Variants in RAPH1 observed in about 807,000 individuals in gnomAD.
The protein encoded by RAPH1 is ras-associated and pleckstrin homology domains-containing protein 1.
In RAPH1, 18 loss-of-function variants were observed where a neutral mutation model predicts 88.1. The ratio of observed to expected loss-of-function variants is 0.20; its 90% CI spans 0.14 to 0.30. RAPH1 has a LOEUF of 0.30. Among genes scored for constraint, RAPH1 ranks in the 10% least tolerant of loss-of-function variants. The pLI is 1.00. For synonymous variants in RAPH1, 587 were observed against 559.0 expected (o/e 1.05, Z -0.71); for missense variants, 1,448 against 1,543.2 (o/e 0.94, Z 1.03).
intron 4 of RAPH1, among the ~76,000 whole-genome samples, chr2:203,487,378 G>GC (rs1559480077): frequency 6.7e-6 from 1 of 148,876 alleles, no homozygotes; most frequent in East Asian, 2.0e-4. Flanking sequence ...ATAGAAATCA[G>GC]TTTTTTTTTT....
chr2:203,441,821 A>G (rs998739929), intron 13 of RAPH1: 2 of 1,304,716 alleles, frequency 1.5e-6, no homozygotes, highest in Non-Finnish European at 1.9e-6. Flanking sequence ...GCTCCAGTTT[A>G]CCTTTCAGTC....
chr2:203,458,024 C>T (rs1380963261), intron 7 of RAPH1, among the ~76,000 whole-genome samples: 1 of 151,980 alleles, frequency 6.6e-6, no homozygotes, highest in African/African-American at 2.4e-5. Context: ...AGAAGAAATC[C>T]CATATTCTCT....
intron 1 of RAPH1, among the ~76,000 whole-genome samples, chr2:203,501,539 G>C (rs923725948): frequency 6.6e-6 from 1 of 152,120 alleles, no homozygotes; most frequent in Non-Finnish European, 1.5e-5. Context: ...AGGCCAAGGC[G>C]GGCAGACTGC....
chr2:203,469,951 T>C (rs112624915), intron 4 of RAPH1, among the ~76,000 whole-genome samples: 72 of 152,332 alleles, frequency 4.7e-4, no homozygotes, highest in African/African-American at 1.7e-3. Flanking sequence ...TTTTAGACTT[T>C]AAAATGCAAC....
chr2:203,437,732 C>T lies in RAPH1; in HGVS notation c.*1705G>A, dbSNP rs2153631996. 1 of 183,688 alleles carries T rather than the reference C, an allele frequency of 5.4e-6. No individual in the cohort carries two copies. The highest frequency in any genetic ancestry group is 2.4e-5 in the African/African-American group (1 of 41,930). 11.4% of individuals were successfully genotyped at this position (183,688 alleles called of 1,614,324 possible). ...TTGAGTATACTGTACTAATTAAGCACTTTTGCTCATTCTAGAATTATTTAC... is the reference window on the plus strand; with the variant it reads ...TTGAGTATACTGTACTAATTAAGCATTTTTGCTCATTCTAGAATTATTTAC... On this transcript the variant is annotated 3_prime_UTR_variant, in exon 14 of 14. Transcript: ENST00000319170.
At chr2:203,451,146 G>T (rs1175029200) in intron 10 of RAPH1, among the ~76,000 whole-genome samples, 2 of 151,902 alleles carry the variant, frequency 1.3e-5, no homozygotes, top group Non-Finnish European at 2.9e-5. Flanking sequence ...GGTCATCCAG[G>T]CTCTGTACAA....
At chr2:203,523,424 G>C (rs941188775) in intron 1 of RAPH1, among the ~76,000 whole-genome samples, 4 of 150,706 alleles carry the variant, frequency 2.7e-5, no homozygotes, top group Non-Finnish European at 4.4e-5. Flanking sequence ...CAGAACTGAG[G>C]TAGGCAATGA....
intron 3 of RAPH1, among the ~76,000 whole-genome samples, 176 bp from the exon 4 acceptor site, chr2:203,490,265 C>T (rs1243066460): frequency 5.3e-5 from 8 of 152,172 alleles, no homozygotes; most frequent in Non-Finnish European, 1.0e-4. Flanking sequence ...ACACAGTCCT[C>T]CTCTTTTAAG....
chr2:203,516,577 C>T (rs796422116), intron 1 of RAPH1, among the ~76,000 whole-genome samples: 21 of 152,132 alleles, frequency 1.4e-4, no homozygotes, highest in African/African-American at 5.1e-4. Flanking sequence ...GGTGAAACCC[C>T]GTCTCTACTG....
rs146028938 is a variant in RAPH1 at position 203,489,082 on chromosome 2, C to T, written c.732+502G>A. Among the ~76,000 whole-genome samples, 18 of 149,870 alleles carry T rather than the reference C, an allele frequency of 1.2e-4. No homozygotes were observed. In the East Asian group the frequency reaches 3.0e-3, roughly 25 times the overall value. On this transcript the variant is annotated intron_variant, in intron 4 of 13. Transcript: ENST00000319170. Reference sequence around the variant, plus strand: ...TGGAGGTTGCAGCGAGCTGAGATCACGCCACTGCACTCCAGCCTGGGCATG... The same window carrying T: ...TGGAGGTTGCAGCGAGCTGAGATCATGCCACTGCACTCCAGCCTGGGCATG...
chr2:203,439,621 C>T lies in RAPH1; in HGVS notation c.3569G>A (p.Arg1190Lys). ...RHGSLSSRMS[R>K]AEPTATMDDM... ...ATCCATGGTGGCTGTTGGTTCTGCT[C>T]TGGACATGCGGGAGGAGAGTGAGCC... The change falls in exon 14 of 14, where the codon AGA becomes AAA. Residue 1190 changes from arginine (R) to lysine (K), a missense_variant. Physicochemically the swap from Arg to Lys is conservative, Grantham distance 26 (BLOSUM62 2). Around this residue, in one of 2 missense-constraint regions of RAPH1, gnomAD observed 935 missense variants for 890.1 expected, o/e 1.05. Coordinates refer to ENST00000319170, the MANE Select transcript of RAPH1 (RefSeq NM_213589.3). The T allele has an allele frequency of 1.2e-6, 2 of 1,614,128 alleles. No homozygotes were observed. The highest frequency in any genetic ancestry group is 1.7e-6 in the Non-Finnish European group (2 of 1,180,034).
intron 4 of RAPH1, among the ~76,000 whole-genome samples, chr2:203,477,580 G>A (rs1201777408): frequency 6.6e-6 from 1 of 151,998 alleles, no homozygotes; most frequent in African/African-American, 2.4e-5. Flanking sequence ...CTCTTCATAT[G>A]ACTGCACTTC....
intron 1 of RAPH1, among the ~76,000 whole-genome samples, chr2:203,502,891 C>T (rs1688799469): frequency 7.1e-6 from 1 of 139,996 alleles, no homozygotes; most frequent in Admixed American, 7.3e-5. Context: ...CACCTGTAAT[C>T]CCAGCACTTT....
At chr2:203,514,702 C>G (rs1689519127) in intron 1 of RAPH1, among the ~76,000 whole-genome samples, 1 of 152,002 alleles carries the variant, frequency 6.6e-6, no homozygotes, top group Non-Finnish European at 1.5e-5. Context: ...TTACAGGCGC[C>G]CACCACCACG....
intron 13 of RAPH1, chr2:203,441,861 A>AT (rs2098504553): frequency 7.4e-7 from 1 of 1,344,528 alleles, no homozygotes; most frequent in African/African-American, 1.5e-5. Flanking sequence ...AGCAGATGCT[A>AT]TAACTGGGTT....
At chr2:203,470,339 CA>C (rs752244676) in intron 4 of RAPH1, 9 of 1,495,974 alleles carry the variant, frequency 6.0e-6, no homozygotes, top group South Asian at 4.8e-5. Flanking sequence ...GAAAAACAAA[CA>C]AAAAAAGGCA....
chr2:203,439,168 C>A lies in RAPH1; in HGVS notation c.*269G>T, dbSNP rs1459939659. Reference sequence around the variant, plus strand: ...CTCTTCCACCCAAAATACAGAACACCCATTTTCAGATTAGGAGAGAAAAGG... The same window carrying A: ...CTCTTCCACCCAAAATACAGAACACACATTTTCAGATTAGGAGAGAAAAGG... On this transcript the variant is annotated 3_prime_UTR_variant, in exon 14 of 14. Transcript: ENST00000319170. 5.6e-6 allele frequency: 2 copies of A among 354,446 alleles called. No homozygotes were observed. The highest frequency in any genetic ancestry group is 1.0e-5 in the Non-Finnish European group (2 of 193,488). 22.0% of individuals were successfully genotyped at this position (354,446 alleles called of 1,614,324 possible). A position where few individuals can be genotyped will look rare whatever the true frequency, so the allele number is the denominator to read the frequency against.
chr2:203,439,926 C>G lies in RAPH1; in HGVS notation c.3264G>C (p.Glu1088Asp). 6.2e-7 allele frequency: 1 copy of G among 1,613,840 alleles called. No homozygotes were observed. The highest frequency in any genetic ancestry group is 8.5e-7 in the Non-Finnish European group (1 of 1,179,996). ...TGTTTCCCGAGAAAACTGCTGGAATCTCAATGGGGGGCAGAGGAAGCTCTG... is the reference window on the plus strand; with the variant it reads ...TGTTTCCCGAGAAAACTGCTGGAATGTCAATGGGGGGCAGAGGAAGCTCTG... ...PETELPLPPI[E>D]IPAVFSGNTS... The change falls in exon 14 of 14, where the codon GAG becomes GAC. Residue 1088 changes from glutamate (E) to aspartate (D), a missense_variant. Around this residue, in one of 2 missense-constraint regions of RAPH1, gnomAD observed 935 missense variants for 890.1 expected, o/e 1.05. Transcript: ENST00000319170.
chr2:203,529,005 A>ATTTTTTTTTT (rs66832810), intron 1 of RAPH1, among the ~76,000 whole-genome samples: 2 of 41,154 alleles, frequency 4.9e-5, no homozygotes, highest in Admixed American at 4.1e-4. Flanking sequence ...ATATATATAT[A>ATTTTTTTTTT]TTTTTTTTTT....
Sources: allele counts gnomAD v4.1 joint callset (sites outside exome capture counted in the v4.1 genomes callset), GRCh38; gene constraint gnomAD v4.1.1; regional missense constraint gnomAD v4.1.1; transcripts MANE v1.5; gene names NCBI Gene and HGNC (gene_info 2026-07-23, HGNC 2026-07-21).